TRAPPC9: variants seen among roughly 807,000 people sequenced by gnomAD.
TRAPPC9 encodes IKK2 binding protein.
A neutral mutation model predicts 124.0 loss-of-function variants in TRAPPC9; 83 were observed. The ratio of observed to expected loss-of-function variants is 0.67; its 90% CI spans 0.56 to 0.80. The LOEUF (loss-of-function observed/expected upper bound fraction) is 0.80. Among genes scored for constraint, TRAPPC9 ranks in the 30% least tolerant of loss-of-function variants. The pLI, the probability that TRAPPC9 is intolerant of heterozygous loss-of-function variation, is 0.00. For missense variants in TRAPPC9, 1,302 were observed against 1,508.3 expected, an observed-to-expected ratio of 0.86 and a Z score of 2.27; for synonymous variants, 638 against 617.5, an observed-to-expected ratio of 1.03 and a Z score of -0.49.
At chr8:140,135,777 T>C (rs1482565019) in intron 17 of TRAPPC9, among the ~76,000 whole-genome samples, 1 of 152,190 alleles carries the variant, frequency 6.6e-6, no homozygotes, top group East Asian at 1.9e-4. Context: ...ATGGTTGAAA[T>C]TACATACAAA....
chr8:140,296,467 T>C (rs1380082348), intron 11 of TRAPPC9, among the ~76,000 whole-genome samples: 7 of 152,186 alleles, frequency 4.6e-5, no homozygotes. Context: ...GGTTTTGCCA[T>C]GTTGGCCAGG....
At chr8:140,047,836 G>C (rs1563720572) in intron 17 of TRAPPC9, among the ~76,000 whole-genome samples, 3 of 152,214 alleles carry the variant, frequency 2.0e-5, no homozygotes. Context: ...CCAGACTCCA[G>C]TGCACACACC....
intron 21 of TRAPPC9, among the ~76,000 whole-genome samples, chr8:139,860,512 C>T (rs562757487): frequency 5.3e-5 from 8 of 152,192 alleles, no homozygotes; most frequent in East Asian, 1.9e-4. Flanking sequence ...ACAGGATCCC[C>T]GGCCCCCAGC....
At chr8:139,948,521 C>G (rs1834422811) in intron 19 of TRAPPC9, among the ~76,000 whole-genome samples, 1 of 152,172 alleles carries the variant, frequency 6.6e-6, no homozygotes, top group Admixed American at 6.5e-5. Flanking sequence ...CAGGAGAGGC[C>G]ACAAATTACC....
At chr8:139,778,804 T>A (rs1180075034) in intron 21 of TRAPPC9, among the ~76,000 whole-genome samples, 1 of 152,144 alleles carries the variant, frequency 6.6e-6, no homozygotes, top group Non-Finnish European at 1.5e-5. Flanking sequence ...AACACAGCTG[T>A]AACTGGAGAC....
chr8:139,839,180 C>T (rs1300576287), intron 21 of TRAPPC9, among the ~76,000 whole-genome samples: 2 of 152,236 alleles, frequency 1.3e-5, no homozygotes, highest in Non-Finnish European at 2.9e-5. Flanking sequence ...GGCCTGGGCC[C>T]AGGCACTCGC....
chr8:139,977,742 G>A (rs1836582333), intron 19 of TRAPPC9, among the ~76,000 whole-genome samples: 1 of 151,518 alleles, frequency 6.6e-6, no homozygotes. Flanking sequence ...GTGCAGTGGG[G>A]CGATCTCAGC....
intron 5 of TRAPPC9, among the ~76,000 whole-genome samples, chr8:140,423,542 C>T (rs1041499166): frequency 4.0e-5 from 6 of 150,742 alleles, no homozygotes; most frequent in African/African-American, 1.5e-4. Flanking sequence ...TACAAATGTC[C>T]ATCAACTGAT....
At chr8:139,731,531 T>C (rs991042894) in intron 22 of TRAPPC9, among the ~76,000 whole-genome samples, 17 of 152,106 alleles carry the variant, frequency 1.1e-4, no homozygotes, top group South Asian at 2.1e-4. Flanking sequence ...AATGGAATGT[T>C]AGCCTGTGCT....
intron 21 of TRAPPC9, among the ~76,000 whole-genome samples, chr8:139,848,643 T>C (rs1827254600): frequency 1.3e-5 from 2 of 152,122 alleles, no homozygotes; most frequent in African/African-American, 4.8e-5. Flanking sequence ...CCCATATAAA[T>C]ATGCATGTGT....
At chr8:140,100,996 CAA>C (rs2060568596) in intron 17 of TRAPPC9, among the ~76,000 whole-genome samples, 1 of 152,210 alleles carries the variant, frequency 6.6e-6, no homozygotes, top group South Asian at 2.1e-4. Context: ...TAATTTCTAA[CAA>C]AAAGTTGAAA....
At chr8:140,218,501 G>C (rs564338003) in intron 17 of TRAPPC9, among the ~76,000 whole-genome samples, 2 of 151,952 alleles carry the variant, frequency 1.3e-5, no homozygotes, top group South Asian at 2.1e-4. Context: ...TTTTAGACAG[G>C]GGCTGGTTCC....
chr8:140,051,953 A>G (rs10481412), intron 17 of TRAPPC9, among the ~76,000 whole-genome samples: 14,832 of 151,986 alleles, frequency 0.098, 933 homozygotes, highest in African/African-American at 0.17. Context: ...TAATAGACCC[A>G]TGAAAGGGAA....
At chr8:140,412,205 T>G (rs577973789) in intron 5 of TRAPPC9, among the ~76,000 whole-genome samples, 70 of 152,346 alleles carry the variant, frequency 4.6e-4, no homozygotes, top group African/African-American at 1.7e-3. Context: ...GATGGATCAC[T>G]TGACCCCTCC....
intron 19 of TRAPPC9, among the ~76,000 whole-genome samples, chr8:139,920,106 G>A (rs972689864): frequency 2.6e-5 from 4 of 152,210 alleles, no homozygotes; most frequent in South Asian, 2.1e-4. Context: ...AGCACTTTGG[G>A]AGGCTAAGCC....
chr8:140,232,407 A>C (rs888778755), intron 16 of TRAPPC9, among the ~76,000 whole-genome samples: 1 of 146,070 alleles, frequency 6.8e-6, no homozygotes, highest in East Asian at 1.9e-4. Context: ...CTCACAAGGT[A>C]GTATGAACTG....
At chr8:140,326,271 G>T (rs1222757828) in intron 9 of TRAPPC9, among the ~76,000 whole-genome samples, 1 of 151,776 alleles carries the variant, frequency 6.6e-6, no homozygotes, top group Non-Finnish European at 1.5e-5. Flanking sequence ...TGCAGGGAAG[G>T]CACCTAAAGA....
chr8:140,373,658 G>C (rs529026184), intron 7 of TRAPPC9, among the ~76,000 whole-genome samples: 1 of 151,490 alleles, frequency 6.6e-6, no homozygotes, highest in South Asian at 2.1e-4. Flanking sequence ...AGCATATGAG[G>C]ATATCACCTG....
chr8:140,440,453 G>C (rs2132636113), intron 2 of TRAPPC9, among the ~76,000 whole-genome samples: 1 of 152,154 alleles, frequency 6.6e-6, no homozygotes, highest in African/African-American at 2.4e-5. Context: ...GTTGCAGTGA[G>C]CCGAGATCAT....
Sources: allele counts gnomAD v4.1 joint callset (sites outside exome capture counted in the v4.1 genomes callset), GRCh38; gene constraint gnomAD v4.1.1; transcripts MANE v1.5; gene names NCBI Gene and HGNC (gene_info 2026-07-23, HGNC 2026-07-21).